The following TNFRSF10A variants were observed in gnomAD, a reference collection of about 807,000 sequenced individuals.
TNFRSF10A encodes the protein tumor necrosis factor receptor superfamily member 10A.
A neutral mutation model predicts 42.8 loss-of-function variants in TNFRSF10A; 44 were observed. The ratio of observed to expected loss-of-function variants is 1.03; its 90% CI spans 0.81 to 1.32. The LOEUF (loss-of-function observed/expected upper bound fraction) is 1.32, where lower values mean the gene tolerates loss of function less well. TNFRSF10A is among the 40% of genes most tolerant of loss of function. The pLI is 0.00. For synonymous variants in TNFRSF10A, 259 were observed against 234.2 expected (o/e 1.11, Z -0.97); for missense variants, 680 against 602.0 (o/e 1.13, Z -1.36).
chr8:23,223,144 G>A (rs1801280487), intron 1 of TNFRSF10A, among the ~76,000 whole-genome samples: 2 of 152,112 alleles, frequency 1.3e-5, no homozygotes, highest in Non-Finnish European at 2.9e-5. Flanking sequence ...CGGCTCACTG[G>A]AAGCTCCGCC....
In TNFRSF10A at chr8:23,197,061, T is replaced by C. The variant is rs1800831964; in HGVS notation, c.1087+71A>G. The stretch of plus-strand genomic sequence containing the variant: ...TGCTCTGGAAGAGCACTCTCAGCAA[T>C]GGGGACACCAGTTAGGACACCGTCC... On this transcript the variant is annotated intron_variant, in intron 9 of 9. Coordinates refer to ENST00000221132, the MANE Select transcript of TNFRSF10A (RefSeq NM_003844.4). 5 of 1,600,344 alleles carry C rather than the reference T, an allele frequency of 3.1e-6. No homozygotes were observed. In the African/African-American group the frequency reaches 4.0e-5, roughly 13 times the overall value.
At chr8:23,221,470 A>G (rs1271956181) in intron 1 of TNFRSF10A, among the ~76,000 whole-genome samples, 1 of 152,216 alleles carries the variant, frequency 6.6e-6, no homozygotes, top group Non-Finnish European at 1.5e-5. Flanking sequence ...ACGAGGTGGA[A>G]GGACCTGGCA....
Position 23,191,762 on chromosome 8 carries a change from G to C in TNFRSF10A, c.1339C>G (p.Leu447Val). 1 of 1,614,174 alleles carries C rather than the reference G, an allele frequency of 6.2e-7. No individual in the cohort carries two copies. Among genetic ancestry groups the C allele is most frequent in the Non-Finnish European group, 8.5e-7 (1 of 1,180,030 alleles). ...ATGAACTTTCCAGAGTCCACCAAGA[G>C]GTCCTGAATCTTCTCTCTTGCATGT... is the stretch of plus-strand genomic sequence containing the variant. ...ERHAREKIQD[L>V]LVDSGKFIYL... is the part of the protein sequence containing the mutation. The change falls in exon 10 of 10, where the codon CTC becomes GTC. Residue 447 changes from leucine (L) to valine (V), a missense_variant. Transcript: ENST00000221132.
intron 1 of TNFRSF10A, among the ~76,000 whole-genome samples, chr8:23,220,583 T>G (rs764786308): frequency 2.6e-5 from 4 of 152,228 alleles, no homozygotes; most frequent in Non-Finnish European, 4.4e-5. Context: ...TGTTGGCAGA[T>G]GTGTGCTGCC....
intron 9 of TNFRSF10A, among the ~76,000 whole-genome samples, chr8:23,192,832 G>A (rs1300358626): frequency 6.6e-6 from 1 of 152,062 alleles, no homozygotes; most frequent in East Asian, 1.9e-4. Context: ...GGTCCTTAAC[G>A]ACTGGAAACT....
chr8:23,212,015 G>C, intron 2 of TNFRSF10A, 101 bp downstream of exon 2: 1 of 1,073,824 alleles, frequency 9.3e-7, no homozygotes, highest in Non-Finnish European at 1.4e-6. Context: ...GAAGAACATG[G>C]AAAAGGAATG....
At chr8:23,213,352 C>T (rs1281430360) in intron 1 of TNFRSF10A, among the ~76,000 whole-genome samples, 4 of 146,906 alleles carry the variant, frequency 2.7e-5, no homozygotes, top group African/African-American at 1.0e-4. Flanking sequence ...CTTTCAGTTT[C>T]TTTGAGTTTC....
Position 23,224,428 on chromosome 8 carries a change from C to T in TNFRSF10A, c.306+328G>A, listed in dbSNP as rs191881784. 1.4e-4 allele frequency: 42 copies of T among 305,840 alleles called. No individual in the cohort carries two copies. In the East Asian group the frequency reaches 3.1e-3, roughly 22 times the overall value. The allele number at this position is 305,840 out of a possible 1,614,324, so 18.9% of individuals were successfully genotyped here. On this transcript the variant is annotated intron_variant, in intron 1 of 9. Transcript: ENST00000221132. ...GGCTGGGAGTTGGCTTGGAAGTTTA[C>T]ACACTTGAGCTCTATCGATTCCGAA... is the stretch of plus-strand genomic sequence containing the variant.
At position 23,201,896 on chromosome 8, in the gene TNFRSF10A, T is replaced by G. The variant is rs1440979099; in HGVS notation, c.541A>C (p.Thr181Pro). Residue 181 changes from threonine to proline, a missense_variant, in exon 4 of 10, where the codon ACC becomes CCC. By Grantham distance (38) the Thr-to-Pro change is conservative. Coordinates refer to ENST00000221132, the MANE Select transcript of TNFRSF10A (RefSeq NM_003844.4). ...TGACATGCTGTGTTCCTGGTCGTGGTGCAGGGACTTCTCTCTTCTTCATCT... is the reference window on the plus strand; with the variant it reads ...TGACATGCTGTGTTCCTGGTCGTGGGGCAGGGACTTCTCTCTTCTTCATCT... Reference protein sequence around the residue: ...KSDEEERSPCTTTRNTACQCK... With the variant: ...KSDEEERSPCPTTRNTACQCK... The G allele has an allele frequency of 1.2e-6, 2 of 1,614,046 alleles. No homozygotes were observed. Among genetic ancestry groups the G allele is most frequent in the Non-Finnish European group, 1.7e-6 (2 of 1,180,038 alleles).
chr8:23,205,179 T>G (rs1265515730), intron 2 of TNFRSF10A, among the ~76,000 whole-genome samples: 1 of 152,108 alleles, frequency 6.6e-6, no homozygotes, highest in Non-Finnish European at 1.5e-5. Flanking sequence ...CTAATTGTGT[T>G]AAAAAATTAG....
chr8:23,191,711 C>G lies in TNFRSF10A; in HGVS notation c.1390G>C (p.Ala464Pro). The change falls in exon 10 of 10, where the codon GCC becomes CCC. Residue 464 changes from alanine to proline, a missense_variant. Ala to Pro is a conservative substitution (Grantham distance 27). Coordinates refer to ENST00000221132, the MANE Select transcript of TNFRSF10A (RefSeq NM_003844.4). ...AGAGTCTTTCACTCCAAGGACACGG[C>G]AGAGCCTGTGCCATCTTCTAAGTAG... ...FIYLEDGTGS[A>P]VSLE 3 of 1,613,836 alleles carry G rather than the reference C, an allele frequency of 1.9e-6. No individual in the cohort carries two copies. Among genetic ancestry groups the G allele is most frequent in the Non-Finnish European group, 2.5e-6 (3 of 1,179,878 alleles).
intron 9 of TNFRSF10A, among the ~76,000 whole-genome samples, chr8:23,193,064 A>T (rs1166642963): frequency 6.6e-6 from 1 of 152,228 alleles, no homozygotes; most frequent in African/African-American, 2.4e-5. Flanking sequence ...TTAGTTGGTC[A>T]GGGAGATACA....
chr8:23,224,461 G>A (rs1212946312), intron 1 of TNFRSF10A: 4 of 443,586 alleles, frequency 9.0e-6, no homozygotes, highest in South Asian at 7.7e-5. Context: ...GAAACTTCCC[G>A]ATACATCGTG....
At chr8:23,217,214 T>C (rs1322666761) in intron 1 of TNFRSF10A, among the ~76,000 whole-genome samples, 1 of 152,112 alleles carries the variant, frequency 6.6e-6, no homozygotes, top group Non-Finnish European at 1.5e-5. Context: ...TTCTGATGAA[T>C]TCATTTTTTT....
rs1174954520 is a variant in TNFRSF10A, at chr8:23,224,936, C to G, written c.126G>C (p.Ala42=). Reference sequence around the variant, plus strand: ...CCCCGCCTCGTGGTTCAATCCTCCCCGCGGAAGAGCCCCACACTTTGCTGG... The same window carrying G: ...CCCCGCCTCGTGGTTCAATCCTCCCGGCGGAAGAGCCCCACACTTTGCTGG... ...ATPSKVWGSS[A]GRIEPRGGGR... is the part of the protein sequence containing the mutation. The change falls in exon 1 of 10, where the codon GCG becomes GCC. Residue 42 remains alanine (A), a synonymous_variant. Coordinates refer to ENST00000221132, the MANE Select transcript of TNFRSF10A (RefSeq NM_003844.4). The G allele has an allele frequency of 6.3e-6, 10 of 1,599,604 alleles. No homozygotes were observed. In the South Asian group the frequency reaches 1.0e-4, roughly 16 times the overall value.
At chr8:23,208,705 C>T (rs1801053180) in intron 2 of TNFRSF10A, among the ~76,000 whole-genome samples, 1 of 152,166 alleles carries the variant, frequency 6.6e-6, no homozygotes, top group African/African-American at 2.4e-5. Flanking sequence ...ATCCACCTGC[C>T]TTGGCCTCCC....
At chr8:23,222,978 GATGCTGGTGGC>G (rs1354845559) in intron 1 of TNFRSF10A, among the ~76,000 whole-genome samples, 2 of 152,228 alleles carry the variant, frequency 1.3e-5, no homozygotes, top group African/African-American at 4.8e-5. Context: ...ACCAGAGGCA[GATGCTGGTGGC>G]ATGCTTCTTG....
intron 2 of TNFRSF10A, among the ~76,000 whole-genome samples, chr8:23,211,716 T>C (rs1801093418): frequency 1.3e-5 from 2 of 152,188 alleles, no homozygotes; most frequent in African/African-American, 4.8e-5. Context: ...AGTCCAAAAA[T>C]ACACCCATAC....
At chr8:23,224,299 CAAAAAAA>C (rs71208595) in intron 1 of TNFRSF10A, 7 of 101,760 alleles carry the variant, frequency 6.9e-5, no homozygotes, top group African/African-American at 2.0e-4. Flanking sequence ...GACTCCGTTT[CAAAAAAA>C]AAAAAAAAAA....
Sources: allele counts gnomAD v4.1 joint callset (sites outside exome capture counted in the v4.1 genomes callset), GRCh38; gene constraint gnomAD v4.1.1; transcripts MANE v1.5; gene names NCBI Gene and HGNC (gene_info 2026-07-23, HGNC 2026-07-21).